The following THG1L variants were observed in gnomAD, a reference collection of about 807,000 sequenced individuals.
The protein encoded by THG1L is probable tRNA(His) guanylyltransferase.
THG1L carries 27 observed loss-of-function variants against 35.2 expected under a neutral mutation model. That is an observed-to-expected ratio of 0.77 (90% CI 0.57 to 1.06). THG1L has a LOEUF of 1.06. THG1L is among the 50% of genes least tolerant of loss of function. The pLI is 0.00. For missense variants in THG1L, 377 were observed against 371.8 expected, an observed-to-expected ratio of 1.01 and a Z score of -0.12; for synonymous variants, 135 against 132.4, an observed-to-expected ratio of 1.02 and a Z score of -0.14.
rs749215886 is a variant in THG1L at position 157,734,562 on chromosome 5, G to C, written c.369-14G>C. ...CTTTTTCTTACTCCACCCAATGTGC[G>C]TTACATTTTCAAGTAAGTTCATGAC... is the stretch of plus-strand genomic sequence containing the variant. On this transcript the variant is annotated splice_polypyrimidine_tract_variant and intron_variant, in intron 2 of 5. Coordinates refer to ENST00000231198, the MANE Select transcript of THG1L (RefSeq NM_017872.5). 4 of 1,613,514 alleles carry C rather than the reference G, an allele frequency of 2.5e-6. No individual in the cohort carries two copies. Among genetic ancestry groups the C allele is most frequent in the South Asian group, 1.1e-5 (1 of 91,076 alleles).
At position 157,731,445 on chromosome 5, in the gene THG1L, G is replaced by T. The variant is rs371761718; in HGVS notation, c.5G>T (p.Trp2Leu). 3 of 1,594,006 alleles carry T rather than the reference G, an allele frequency of 1.9e-6. No individual in the cohort carries two copies. The highest frequency in any genetic ancestry group is 2.6e-6 in the Non-Finnish European group (3 of 1,168,896). Residue 2 changes from tryptophan to leucine, a missense_variant, in exon 1 of 6, where the codon TGG (tryptophan) becomes TTG (leucine). Trp to Leu is a moderately conservative substitution (Grantham distance 61). Coordinates refer to ENST00000231198, the MANE Select transcript of THG1L (RefSeq NM_017872.5). ...CCTTTCCTTTCCGCGTGTAGAATGT[G>T]GGGCGCCTGTAAAGTTAAGGTTCAC... M[W>L]GACKVKVHDS...
intron 2 of THG1L, among the ~76,000 whole-genome samples, chr5:157,733,829 G>A (rs912860521): frequency 1.3e-5 from 2 of 152,018 alleles, no homozygotes; most frequent in Non-Finnish European, 1.5e-5. Flanking sequence ...AAAATTAGCC[G>A]GGCTCAGTGG....
At position 157,737,631 on chromosome 5, in the gene THG1L, G is replaced by A. The variant is rs182041361; in HGVS notation, c.628-256G>A. 1.7e-3 allele frequency among the ~76,000 whole-genome samples: 255 copies of A among 152,314 alleles called. 1 individual carries two copies. Among genetic ancestry groups the A allele is most frequent in the Non-Finnish European group, 3.4e-3 (230 of 68,030 alleles). On this transcript the variant is annotated intron_variant, in intron 4 of 5. Transcript: ENST00000231198. Reference sequence around the variant, plus strand: ...TTTTACTGGACCAAATACATAATATGTATTCAGTTAGTATTAATTCTCCCC... The same window carrying A: ...TTTTACTGGACCAAATACATAATATATATTCAGTTAGTATTAATTCTCCCC...
chr5:157,740,630 G>C lies in THG1L; in HGVS notation c.*1148G>C, dbSNP rs1008107760. ...CATTAAGAATTAAGAGGCTGGGTGC[G>C]GTGGCTCACGTCTGTAATCCCAGCA... On this transcript the variant is annotated 3_prime_UTR_variant, in exon 6 of 6. Transcript: ENST00000231198. 1 of 152,234 alleles carries C rather than the reference G, an allele frequency of 6.6e-6. No individual in the cohort carries two copies. The highest frequency in any genetic ancestry group is 1.5e-5 in the Non-Finnish European group (1 of 68,096). 9.4% of individuals were successfully genotyped at this position (152,234 alleles called of 1,614,324 possible).
At chr5:157,737,796 G>T in intron 4 of THG1L, 91 bp from the exon 5 acceptor site, 1 of 959,272 alleles carries the variant, frequency 1.0e-6, no homozygotes, top group South Asian at 1.6e-5. Flanking sequence ...CTTCTTGATT[G>T]TGGAAATTTA....
chr5:157,735,075 T>G (rs899605280), intron 3 of THG1L, among the ~76,000 whole-genome samples: 1 of 152,052 alleles, frequency 6.6e-6, no homozygotes, highest in African/African-American at 2.4e-5. Context: ...GTAGCTGGGA[T>G]TACAGGCATG....
chr5:157,735,811 T>G (rs780017951), intron 3 of THG1L, 35 bp from the exon 4 acceptor site: 6 of 1,370,076 alleles, frequency 4.4e-6, no homozygotes, highest in Non-Finnish European at 6.2e-6. Flanking sequence ...AAAGATTTTA[T>G]GTATATAAAC....
In THG1L at chr5:157,737,851, A is replaced by G. The variant is rs765251581; in HGVS notation, c.628-36A>G. On this transcript the variant is annotated intron_variant, in intron 4 of 5. Coordinates refer to ENST00000231198, the MANE Select transcript of THG1L (RefSeq NM_017872.5). ...AGTAGCACTAGGGGAGAAAGAAGAC[A>G]TGCAGAGCTTTTAATATCTATTTTT... 3.2e-6 allele frequency: 5 copies of G among 1,556,058 alleles called. No individual in the cohort carries two copies. The African/African-American group carries it at 6.9e-5, about 21-fold the overall frequency.
At position 157,741,426 on chromosome 5, in the gene THG1L, GAAAT is replaced by G. The variant is rs1269772978; in HGVS notation, c.*1948_*1951del. The G allele has an allele frequency of 7.9e-5, 12 of 152,012 alleles. No individual in the cohort carries two copies. Among genetic ancestry groups the G allele is most frequent in the Non-Finnish European group, 1.0e-4 (7 of 67,988 alleles). 9.4% of individuals were successfully genotyped at this position (152,012 alleles called of 1,614,324 possible). A position where few individuals can be genotyped will look rare whatever the true frequency, so the allele number is the denominator to read the frequency against. On this transcript the variant is annotated 3_prime_UTR_variant, in exon 6 of 6. Coordinates refer to ENST00000231198, the MANE Select transcript of THG1L (RefSeq NM_017872.5). ...AATTGCTAAAATCTCTTTGAGGAAA[GAAAT>G]AAAGATGTCAACTCCTTTGGCCTGC...
intron 2 of THG1L, 105 bp from the exon 3 acceptor site, chr5:157,734,471 A>T: frequency 7.7e-7 from 1 of 1,296,880 alleles, no homozygotes. Flanking sequence ...CTTTCTGGGC[A>T]GTTTGTGTAC....
chr5:157,735,972 C>G, intron 4 of THG1L, 38 bp downstream of exon 4: 1 of 1,392,810 alleles, frequency 7.2e-7, no homozygotes, highest in Non-Finnish European at 1.0e-6. Context: ...TAACTGGGGA[C>G]AGTTCGCTGT....
chr5:157,737,941 T>C lies in THG1L; in HGVS notation c.682T>C (p.Tyr228His). The change falls in exon 5 of 6, where the codon TAT (tyrosine) becomes CAT (histidine). Residue 228 changes from tyrosine (Y) to histidine (H), a missense_variant. Transcript: ENST00000231198. ...TTTGTTTTCTGAATTCAACATCAAC[T>C]ATAATAATGAGCTGCCGATGTATAG... ...EILFSEFNIN[Y>H]NNELPMYRKG... 6.2e-7 allele frequency: 1 copy of C among 1,613,652 alleles called. No individual in the cohort carries two copies. The highest frequency in any genetic ancestry group is 8.5e-7 in the Non-Finnish European group (1 of 1,179,798).
rs774483623 is a variant in THG1L at position 157,740,334 on chromosome 5, C to T, written c.*852C>T. The stretch of plus-strand genomic sequence containing the variant: ...CATTCTCACATAGCCTCTATGTAAT[C>T]AGACAAATGACATTTGATTTCAAGA... On this transcript the variant is annotated 3_prime_UTR_variant, in exon 6 of 6. Transcript: ENST00000231198. 3.3e-5 allele frequency: 5 copies of T among 152,208 alleles called. No homozygotes were observed. The highest frequency in any genetic ancestry group is 7.3e-5 in the Non-Finnish European group (5 of 68,032). The allele number at this position is 152,208 out of a possible 1,614,324, so 9.4% of individuals were successfully genotyped here.
At chr5:157,738,779 T>C (rs1012777962) in intron 5 of THG1L, 18 of 294,040 alleles carry the variant, frequency 6.1e-5, no homozygotes, top group South Asian at 3.5e-4. Flanking sequence ...ATGAGGAACA[T>C]GGAATCCTTT....
In THG1L at chr5:157,739,535, C is replaced by T; in HGVS notation, c.*53C>T. On this transcript the variant is annotated 3_prime_UTR_variant, in exon 6 of 6. Transcript: ENST00000231198. The stretch of plus-strand genomic sequence containing the variant: ...TTAACCATGCAAGCCCTCCCACCTC[C>T]CAGGGCTCCTTGCCTTAGGTGGCTG... 1 of 1,561,046 alleles carries T rather than the reference C, an allele frequency of 6.4e-7. No homozygotes were observed. Among genetic ancestry groups the T allele is most frequent in the South Asian group, 1.2e-5 (1 of 83,000 alleles).
At chr5:157,738,151 T>A (rs1760932335) in intron 5 of THG1L, among the ~76,000 whole-genome samples, 157 bp downstream of exon 5, 1 of 152,328 alleles carries the variant, frequency 6.6e-6, no homozygotes, top group South Asian at 2.1e-4. Context: ...TTATTTTTAA[T>A]GTGCATTTTG....
chr5:157,734,968 G>A (rs539143096), intron 3 of THG1L, among the ~76,000 whole-genome samples: 5 of 147,266 alleles, frequency 3.4e-5, no homozygotes, highest in South Asian at 2.1e-4. Flanking sequence ...ACAGAGTTTC[G>A]CTCTTGTTGC....
chr5:157,739,268 C>A, intron 5 of THG1L, 53 bp from the exon 6 acceptor site: 1 of 1,575,460 alleles, frequency 6.3e-7, no homozygotes, highest in Non-Finnish European at 8.6e-7. Flanking sequence ...TTTCCTTTCT[C>A]TCCCAAACCC....
At chr5:157,739,142 T>C (rs962841079) in intron 5 of THG1L, among the ~76,000 whole-genome samples, 179 bp from the exon 6 acceptor site, 7 of 152,088 alleles carry the variant, frequency 4.6e-5, no homozygotes, top group Admixed American at 3.9e-4. Flanking sequence ...TATATATATA[T>C]GTATATATAC....
Sources: gnomAD v4.1 joint callset for allele counts (sites outside exome capture counted in the v4.1 genomes callset) on GRCh38, gnomAD v4.1.1 for gene constraint, MANE v1.5 for transcripts, NCBI Gene and HGNC (gene_info 2026-07-23, HGNC 2026-07-21) for gene names.